Variants in MTUS1 observed in about 807,000 individuals in gnomAD.
The protein encoded by MTUS1 is microtubule-associated tumor suppressor 1.
Under a neutral mutation model 120.8 loss-of-function variants are expected in MTUS1, and 109 were observed. That is an observed-to-expected ratio of 0.90 (90% CI 0.77 to 1.06). MTUS1 has a LOEUF of 1.06. Among genes scored for constraint, MTUS1 ranks in the 50% least tolerant of loss-of-function variants. MTUS1 has a pLI of 0.00. For synonymous variants in MTUS1, 737 were observed against 550.5 expected (o/e 1.34, Z -4.74); for missense variants, 2,210 against 1,486.3 (o/e 1.49, Z -8.01).
At chr8:17,766,629 G>T (rs1208474150) in intron 1 of MTUS1, among the ~76,000 whole-genome samples, 3 of 152,198 alleles carry the variant, frequency 2.0e-5, no homozygotes, top group Non-Finnish European at 4.4e-5. Flanking sequence ...CATGGCAGGA[G>T]CCTGTGTAAG....
At chr8:17,676,090 C>A in intron 7 of MTUS1, 9 of 572,246 alleles carry the variant, frequency 1.6e-5, no homozygotes, top group South Asian at 2.3e-5. Context: ...TGAAAAATGC[C>A]CTCACGAGGA....
chr8:17,678,043 G>C (rs899183291), intron 7 of MTUS1, among the ~76,000 whole-genome samples: 8 of 152,118 alleles, frequency 5.3e-5, no homozygotes, highest in Non-Finnish European at 8.8e-5. Context: ...CATCGGATGG[G>C]AAGCAGTAAT....
intron 4 of MTUS1, among the ~76,000 whole-genome samples, chr8:17,719,999 C>A (rs1430128463): frequency 6.8e-6 from 1 of 147,280 alleles, no homozygotes; most frequent in Non-Finnish European, 1.5e-5. Flanking sequence ...AGTATGGAGG[C>A]TGGAGGCTAA....
chr8:17,690,267 T>C (rs539852971), intron 6 of MTUS1, among the ~76,000 whole-genome samples: 16 of 151,950 alleles, frequency 1.1e-4, no homozygotes, highest in African/African-American at 3.6e-4. Context: ...ATGGAAAAAG[T>C]AGAACATACG....
At chr8:17,710,015 A>G (rs1236443539) in intron 6 of MTUS1, among the ~76,000 whole-genome samples, 3 of 152,096 alleles carry the variant, frequency 2.0e-5, no homozygotes, top group Non-Finnish European at 4.4e-5. Context: ...TCAAAAAAAA[A>G]AAACACCTTA....
At chr8:17,669,032 T>C (rs1238158945) in intron 8 of MTUS1, among the ~76,000 whole-genome samples, 2 of 152,352 alleles carry the variant, frequency 1.3e-5, no homozygotes, top group East Asian at 3.9e-4. Flanking sequence ...TCTAAGCACC[T>C]GCTAAGTGCC....
chr8:17,719,546 T>C (rs561408589), intron 4 of MTUS1, among the ~76,000 whole-genome samples: 1 of 152,330 alleles, frequency 6.6e-6, no homozygotes, highest in East Asian at 1.9e-4. Flanking sequence ...CATTCAGAAG[T>C]GCGTAAGTAC....
chr8:17,770,781 G>A (rs1001699580), intron 1 of MTUS1, among the ~76,000 whole-genome samples: 13 of 152,258 alleles, frequency 8.5e-5, no homozygotes, highest in Middle Eastern at 6.8e-3. Flanking sequence ...AAACTTGTAC[G>A]CAGATGTTTC....
chr8:17,727,880 A>G (rs1419598860), intron 3 of MTUS1, among the ~76,000 whole-genome samples: 1 of 152,188 alleles, frequency 6.6e-6, no homozygotes, highest in East Asian at 1.9e-4. Context: ...TCTGGAAGGA[A>G]TAACACCTCC....
intron 1 of MTUS1, among the ~76,000 whole-genome samples, chr8:17,776,576 G>C (rs1348903001): frequency 6.6e-6 from 1 of 151,340 alleles, no homozygotes; most frequent in East Asian, 1.9e-4. Context: ...CTACTTGGGA[G>C]GCTGAGGCAG....
chr8:17,690,459 T>C (rs1346257265), intron 6 of MTUS1, among the ~76,000 whole-genome samples: 4 of 152,164 alleles, frequency 2.6e-5, no homozygotes, highest in African/African-American at 7.2e-5. Flanking sequence ...GTACAATCTC[T>C]ATGGAAAACA....
intron 6 of MTUS1, among the ~76,000 whole-genome samples, chr8:17,709,612 A>G (rs544743844): frequency 6.6e-5 from 10 of 152,224 alleles, no homozygotes; most frequent in South Asian, 2.1e-4. Flanking sequence ...ACATGACATA[A>G]TAAGGCAAAT....
At position 17,655,854 on chromosome 8, in the gene MTUS1, A is replaced by C. The variant is rs1165469409; in HGVS notation, c.3108+9T>G. On this transcript the variant is annotated intron_variant, in intron 9 of 14. Transcript: ENST00000693296. ...GCCTCAGACAAGCTCTGGCTGCAAA[A>C]GCACAGACCTGCTCTTGCAATTGCA... The C allele has an allele frequency of 3.1e-6, 5 of 1,613,988 alleles. No individual in the cohort carries two copies. Among genetic ancestry groups the C allele is most frequent in the Non-Finnish European group, 4.2e-6 (5 of 1,179,940 alleles).
Position 17,765,566 on chromosome 8 carries a change from C to T in MTUS1, c.-154-9605G>A, listed in dbSNP as rs1420252446. Among the ~76,000 whole-genome samples, 4 of 146,860 alleles carry T rather than the reference C, an allele frequency of 2.7e-5. No individual in the cohort carries two copies. The East Asian group carries it at 8.0e-4, about 30-fold the overall frequency. ...ACCCAGAGGCACAAGTTGCAGTGAG[C>T]TGAGATTATGCCACTGCACTCCAGC... On this transcript the variant is annotated intron_variant, in intron 1 of 14. Transcript: ENST00000693296.
chr8:17,679,236 T>A (rs10112412), intron 7 of MTUS1, among the ~76,000 whole-genome samples: 86,361 of 151,552 alleles, frequency 0.57, 25,463 homozygotes, highest in Middle Eastern at 0.7. Context: ...ATTATACATA[T>A]ATAAAAATAC....
chr8:17,782,231 G>C (rs2050927253), intron 1 of MTUS1, among the ~76,000 whole-genome samples: 1 of 151,998 alleles, frequency 6.6e-6, no homozygotes, highest in African/African-American at 2.4e-5. Flanking sequence ...TTTGGGAAAA[G>C]GTATTGATAA....
chr8:17,649,203 C>A (rs1249675083), intron 13 of MTUS1, among the ~76,000 whole-genome samples: 3 of 151,998 alleles, frequency 2.0e-5, no homozygotes, highest in Non-Finnish European at 4.4e-5. Context: ...ATTACAGGCA[C>A]CCACCACCAC....
intron 7 of MTUS1, 146 bp downstream of exon 7, chr8:17,684,182 G>C: frequency 3.1e-6 from 2 of 638,800 alleles, no homozygotes; most frequent in South Asian, 3.7e-5. Context: ...AGTATCTGGT[G>C]AAGTGACAAA....
chr8:17,766,055 G>C (rs1053584410), intron 1 of MTUS1, among the ~76,000 whole-genome samples: 1 of 152,072 alleles, frequency 6.6e-6, no homozygotes, highest in Non-Finnish European at 1.5e-5. Flanking sequence ...GTTTACCTTT[G>C]TTTAAATAAA....
Sources: gnomAD v4.1 joint callset for allele counts (sites outside exome capture counted in the v4.1 genomes callset) on GRCh38, gnomAD v4.1.1 for gene constraint, MANE v1.5 for transcripts, NCBI Gene and HGNC (gene_info 2026-07-23, HGNC 2026-07-21) for gene names.